STAU2: variants seen among roughly 807,000 people sequenced by gnomAD.
STAU2 encodes staufen double-stranded RNA binding protein 2.
STAU2 carries 20 observed loss-of-function variants against 65.9 expected under a neutral mutation model. The ratio of observed to expected loss-of-function variants is 0.30; its 90% CI spans 0.21 to 0.44. The LOEUF is 0.44. Among genes scored for constraint, STAU2 ranks in the 20% least tolerant of loss-of-function variants. The pLI is 1.00. For synonymous variants in STAU2, 232 were observed against 233.9 expected, an observed-to-expected ratio of 0.99 and a Z score of 0.07; for missense variants, 558 against 683.9, an observed-to-expected ratio of 0.82 and a Z score of 2.05.
At chr8:73,483,196 C>T (rs1367814105) in intron 13 of STAU2, among the ~76,000 whole-genome samples, 1 of 151,928 alleles carries the variant, frequency 6.6e-6, no homozygotes, top group Non-Finnish European at 1.5e-5. Flanking sequence ...TAAAAAGAAT[C>T]ACTTGGCCTG....
intron 13 of STAU2, among the ~76,000 whole-genome samples, chr8:73,456,698 G>C (rs1819091593): frequency 6.6e-6 from 1 of 152,138 alleles, no homozygotes; most frequent in Admixed American, 6.6e-5. Context: ...TTCCTATGTG[G>C]GTTACTGGAG....
At chr8:73,446,038 C>G (rs535713058) in intron 13 of STAU2, among the ~76,000 whole-genome samples, 23 of 152,260 alleles carry the variant, frequency 1.5e-4, no homozygotes, top group African/African-American at 5.1e-4. Flanking sequence ...AAACTAGAAA[C>G]AACCAAAATA....
chr8:73,729,327 T>G (rs1403467072), intron 3 of STAU2, among the ~76,000 whole-genome samples: 1 of 152,186 alleles, frequency 6.6e-6, no homozygotes, highest in Non-Finnish European at 1.5e-5. Context: ...TGTTGAAGAT[T>G]TTTGCATCTT....
At chr8:73,469,409 C>A (rs1293337445) in intron 13 of STAU2, among the ~76,000 whole-genome samples, 1 of 150,180 alleles carries the variant, frequency 6.7e-6, no homozygotes, top group Admixed American at 6.7e-5. Flanking sequence ...ACATATGTAA[C>A]AAAGCTGCAC....
chr8:73,599,595 T>C (rs1387748502), intron 10 of STAU2, among the ~76,000 whole-genome samples: 1 of 152,226 alleles, frequency 6.6e-6, no homozygotes, highest in Admixed American at 6.5e-5. Flanking sequence ...CTATACAGCA[T>C]GATACTCTAA....
intron 13 of STAU2, among the ~76,000 whole-genome samples, chr8:73,547,728 A>G (rs1807032172): frequency 6.6e-6 from 1 of 152,220 alleles, no homozygotes; most frequent in African/African-American, 2.4e-5. Flanking sequence ...TGCTCATTGT[A>G]GTCTAAGTAA....
chr8:73,601,157 A>G (rs1811604395), intron 10 of STAU2, among the ~76,000 whole-genome samples: 1 of 152,226 alleles, frequency 6.6e-6, no homozygotes, highest in Non-Finnish European at 1.5e-5. Context: ...TTTAAATTTA[A>G]CAGCTCATTC....
chr8:73,721,287 C>CAAAAAAAAAAAAAAAAAAAAAAA (rs35721754), intron 3 of STAU2, among the ~76,000 whole-genome samples: 1 of 12,456 alleles, frequency 8.0e-5, no homozygotes. Context: ...ACCCCACCTC[C>CAAAAAAAAAAAAAAAAAAAAAAA]AAAAAAAAAA....
chr8:73,692,563 ATATAAG>A (rs1338410499), intron 4 of STAU2, among the ~76,000 whole-genome samples: 1 of 152,162 alleles, frequency 6.6e-6, no homozygotes, highest in African/African-American at 2.4e-5. Flanking sequence ...AAACTAGTAA[ATATAAG>A]TATGTGTTCC....
intron 13 of STAU2, among the ~76,000 whole-genome samples, chr8:73,437,547 T>A (rs764586560): frequency 2.0e-5 from 3 of 152,172 alleles, no homozygotes; most frequent in Non-Finnish European, 4.4e-5. Context: ...ATGGGAGACT[T>A]CTGACCTATA....
At chr8:73,597,658 A>G (rs1811297691) in intron 10 of STAU2, among the ~76,000 whole-genome samples, 2 of 107,964 alleles carry the variant, frequency 1.9e-5, no homozygotes, top group South Asian at 3.7e-4. Flanking sequence ...CGATAGAGTG[A>G]GTCTCTGTCT....
upstream of STAU2, chr8:73,747,156 C>T: frequency 2.1e-6 from 1 of 475,468 alleles, no homozygotes; most frequent in Non-Finnish European, 3.6e-6. Context: ...AGCTGGGCCC[C>T]TGGGCGAGGG....
At chr8:73,453,555 G>C (rs1207134735) in intron 13 of STAU2, among the ~76,000 whole-genome samples, 2 of 152,156 alleles carry the variant, frequency 1.3e-5, no homozygotes, top group South Asian at 2.1e-4. Flanking sequence ...AAAAATCAAG[G>C]GGCACCTTGT....
At position 73,683,314 on chromosome 8, in the gene STAU2, A is replaced by T. The variant is rs114180144; in HGVS notation, c.274+5340T>A. ...GGGATGCAGGGATAGTTTAACGTCCACAAGTCAATAAATGTGATACACCAC... is the reference window on the plus strand; with the variant it reads ...GGGATGCAGGGATAGTTTAACGTCCTCAAGTCAATAAATGTGATACACCAC... On this transcript the variant is annotated intron_variant, in intron 5 of 14. Transcript: ENST00000524300. Among the ~76,000 whole-genome samples, 1,168 of 152,296 alleles carry T rather than the reference A, an allele frequency of 7.7e-3. 18 individuals are homozygous for T. Among genetic ancestry groups the T allele is most frequent in the African/African-American group, 0.027 (1,117 of 41,574 alleles).
intron 1 of STAU2, among the ~76,000 whole-genome samples, chr8:73,746,319 C>T (rs1422632274): frequency 1.3e-5 from 2 of 151,714 alleles, no homozygotes; most frequent in Non-Finnish European, 2.9e-5. Flanking sequence ...CCCTGCCCTA[C>T]TCTAGGCGCT....
chr8:73,476,986 G>A (rs1820355471), intron 13 of STAU2, among the ~76,000 whole-genome samples: 9 of 152,206 alleles, frequency 5.9e-5, no homozygotes, highest in Admixed American at 5.9e-4. Flanking sequence ...CATTCAACAA[G>A]TATTACTGAG....
chr8:73,528,515 T>C (rs554096693), intron 13 of STAU2, among the ~76,000 whole-genome samples: 70 of 152,320 alleles, frequency 4.6e-4, no homozygotes, highest in African/African-American at 1.7e-3. Flanking sequence ...ATCCTTCCAT[T>C]TATCCACTGT....
intron 3 of STAU2, chr8:73,728,026 T>C (rs1371140872): frequency 6.6e-6 from 1 of 152,244 alleles, no homozygotes; most frequent in African/African-American, 2.4e-5. Context: ...TCCAAGTCCT[T>C]TGCCCATTTT....
chr8:73,447,803 C>T (rs1415645745), intron 13 of STAU2, among the ~76,000 whole-genome samples: 1 of 152,150 alleles, frequency 6.6e-6, no homozygotes, highest in Non-Finnish European at 1.5e-5. Context: ...TTCCTCCCCC[C>T]TCTGGGTGGC....
Sources: allele counts gnomAD v4.1 joint callset (sites outside exome capture counted in the v4.1 genomes callset), GRCh38; gene constraint gnomAD v4.1.1; transcripts MANE v1.5; gene names NCBI Gene and HGNC (gene_info 2026-07-23, HGNC 2026-07-21).